Variants in PLEKHG6 observed in about 807,000 individuals in gnomAD.
PLEKHG6 encodes the protein pleckstrin homology domain-containing family G member 6.
PLEKHG6 carries 91 observed loss-of-function variants against 97.5 expected under a neutral mutation model. The observed-to-expected ratio is 0.93, with a 90% confidence interval of 0.79 to 1.11. PLEKHG6 has a LOEUF of 1.11. PLEKHG6 is among the 50% of genes most tolerant of loss of function. PLEKHG6 has a pLI of 0.00. For synonymous variants in PLEKHG6, 466 were observed against 425.5 expected (o/e 1.10, Z -1.17); for missense variants, 1,044 against 1,031.0 (o/e 1.01, Z -0.17).
In PLEKHG6 at chr12:6,314,908, A is replaced by C. The variant is rs1169361448; in HGVS notation, c.295-97A>C. ...ATTCCAGACACAGACACACGCACAC[A>C]CTTTAACACACATGCACACACACAC... is the stretch of plus-strand genomic sequence containing the variant. On this transcript the variant is annotated intron_variant, in intron 3 of 15. Transcript: ENST00000684764. The C allele has an allele frequency of 6.1e-6, 7 of 1,151,012 alleles. No individual in the cohort carries two copies. In the East Asian group the frequency reaches 1.7e-4, roughly 27 times the overall value. The allele number at this position is 1,151,012 out of a possible 1,614,324, so 71.3% of individuals were successfully genotyped here. A position where few individuals can be genotyped will look rare whatever the true frequency, so the allele number is the denominator to read the frequency against.
chr12:6,327,117 A>G lies in PLEKHG6; in HGVS notation c.1671-137A>G, dbSNP rs552067601. Reference sequence around the variant, plus strand: ...TAAAATCTAGCCAGCCAGATGAGAAAAACAATCACAGTGCGATGGAAAGAT... The same window carrying G: ...TAAAATCTAGCCAGCCAGATGAGAAGAACAATCACAGTGCGATGGAAAGAT... On this transcript the variant is annotated intron_variant, in intron 14 of 15. Coordinates refer to ENST00000684764, the MANE Select transcript of PLEKHG6 (RefSeq NM_001384598.1). 29 of 629,008 alleles carry G rather than the reference A, an allele frequency of 4.6e-5. 1 individual carries two copies. In the East Asian group the frequency reaches 7.9e-4, roughly 17 times the overall value. The allele number at this position is 629,008 out of a possible 1,614,324, so 39.0% of individuals were successfully genotyped here. A position where few individuals can be genotyped will look rare whatever the true frequency, so the allele number is the denominator to read the frequency against.
Position 6,317,926 on chromosome 12 carries a change from T to C in PLEKHG6, c.1087T>C (p.Leu363=). ...CCGCCAGGGCGAAGAGCAAGAGAGCTTGGCGGCTGCAGCACAACGCATCGG... is the reference window on the plus strand; with the variant it reads ...CCGCCAGGGCGAAGAGCAAGAGAGCCTGGCGGCTGCAGCACAACGCATCGG... ...QVRQGEEQES[L]AAAAQRIGPY... is the part of the protein sequence containing the mutation. Residue 363 remains leucine (L), a synonymous_variant, in exon 10 of 16, where the codon TTG becomes CTG. Coordinates refer to ENST00000684764, the MANE Select transcript of PLEKHG6 (RefSeq NM_001384598.1). 1.3e-6 allele frequency: 2 copies of C among 1,570,104 alleles called. No homozygotes were observed. Among genetic ancestry groups the C allele is most frequent in the Non-Finnish European group, 1.7e-6 (2 of 1,157,240 alleles).
rs1947436379 is a variant in PLEKHG6 at position 6,315,805 on chromosome 12, G to A, written c.556-64G>A. 1.4e-6 allele frequency: 2 copies of A among 1,404,694 alleles called. No homozygotes were observed. The highest frequency in any genetic ancestry group is 1.4e-5 in the African/African-American group (1 of 70,302). The allele number at this position is 1,404,694 out of a possible 1,614,324, so 87.0% of individuals were successfully genotyped here. A position where few individuals can be genotyped will look rare whatever the true frequency, so the allele number is the denominator to read the frequency against. ...GTCAGCAGTACTGAAGTTGGTGGGG[G>A]GTGGGAGGTGACGACACTGAAGGGC... On this transcript the variant is annotated intron_variant, in intron 5 of 15. Coordinates refer to ENST00000684764, the MANE Select transcript of PLEKHG6 (RefSeq NM_001384598.1). This position sits in a 1 kb window ranked among gnomAD's most constrained non-coding sequence, Gnocchi z 4.5.
rs559037347 is a variant in PLEKHG6 at position 6,322,723 on chromosome 12, A to G, written c.1524+3615A>G. The stretch of plus-strand genomic sequence containing the variant: ...TGGCAAAACCCCATCTTTACAAAAA[A>G]TACAAAAATTAGCTGGGCCTGGTGG... On this transcript the variant is annotated intron_variant, in intron 13 of 15. Coordinates refer to ENST00000684764, the MANE Select transcript of PLEKHG6 (RefSeq NM_001384598.1). 3.9e-5 allele frequency among the ~76,000 whole-genome samples: 6 copies of G among 152,186 alleles called. No individual in the cohort carries two copies. The East Asian group carries it at 1.2e-3, about 29-fold the overall frequency.
intron 11 of PLEKHG6, 112 bp from the exon 12 acceptor site, chr12:6,318,633 G>T: frequency 7.7e-7 from 1 of 1,291,574 alleles, no homozygotes; most frequent in Non-Finnish European, 1.1e-6. Context: ...CCGCATTTGG[G>T]CTCTGCGTGT....
In PLEKHG6 at chr12:6,317,428, G is replaced by A. The variant is rs761595847; in HGVS notation, c.867+15G>A. 105 of 1,610,564 alleles carry A rather than the reference G, an allele frequency of 6.5e-5. No individual in the cohort carries two copies. Among genetic ancestry groups the A allele is most frequent in the Non-Finnish European group, 8.2e-5 (97 of 1,177,266 alleles). ...CCTTCGTGCAGGTGGGAGAAGGGGT[G>A]CTGGGGAGGGGGACGGGTGCATCTT... On this transcript the variant is annotated intron_variant, in intron 8 of 15. Coordinates refer to ENST00000684764, the MANE Select transcript of PLEKHG6 (RefSeq NM_001384598.1).
intron 13 of PLEKHG6, among the ~76,000 whole-genome samples, chr12:6,325,306 A>G (rs1947826863): frequency 6.6e-6 from 1 of 151,976 alleles, no homozygotes; most frequent in South Asian, 2.1e-4. Context: ...CTGCTTCTCC[A>G]TACCTGTGGC....
chr12:6,315,743 G>A lies in PLEKHG6; in HGVS notation c.555+94G>A, dbSNP rs1435647217. ...AGGCAGGTCACTGGGGGAGGGAGGG[G>A]CAGGATTTCAGGCCAGTCTGGGATG... On this transcript the variant is annotated intron_variant, in intron 5 of 15. Transcript: ENST00000684764. This position sits in a 1 kb window ranked among gnomAD's most constrained non-coding sequence, Gnocchi z 4.5. 5.7e-6 allele frequency: 7 copies of A among 1,221,912 alleles called. No individual in the cohort carries two copies. The highest frequency in any genetic ancestry group is 2.2e-5 in the Admixed American group (1 of 45,902). The allele number at this position is 1,221,912 out of a possible 1,614,324, so 75.7% of individuals were successfully genotyped here.
At chr12:6,317,137 C>A (rs778009143) in intron 7 of PLEKHG6, among the ~76,000 whole-genome samples, 166 bp from the exon 8 acceptor site, 3 of 152,238 alleles carry the variant, frequency 2.0e-5, no homozygotes, top group Admixed American at 6.5e-5. Context: ...AGGGGCGTAG[C>A]CTCGAGAGCA....
At chr12:6,324,211 G>A (rs530508686) in intron 13 of PLEKHG6, among the ~76,000 whole-genome samples, 2 of 152,062 alleles carry the variant, frequency 1.3e-5, no homozygotes, top group African/African-American at 4.8e-5. Context: ...CTTTGGGCTC[G>A]CTGGGAGGCA....
At chr12:6,312,922 G>A (rs1947324118) in intron 2 of PLEKHG6, 1 of 1,397,744 alleles carries the variant, frequency 7.2e-7, no homozygotes. Context: ...TCCACCTTGA[G>A]GACAGTTCTG....
In PLEKHG6 at chr12:6,327,308, T is replaced by C; in HGVS notation, c.1725T>C (p.Asp575=). 6.2e-7 allele frequency: 1 copy of C among 1,613,570 alleles called. No individual in the cohort carries two copies. The highest frequency in any genetic ancestry group is 1.1e-5 in the South Asian group (1 of 91,008). The part of the protein sequence containing the change: ...IPHLVVTEDT[D]EDAPLVPDDT... Reference sequence around the variant, plus strand: ...ACCTGGTGGTGACAGAAGACACAGATGAAGATGCTCCCCTTGTGCCAGATG... The same window carrying C: ...ACCTGGTGGTGACAGAAGACACAGACGAAGATGCTCCCCTTGTGCCAGATG... Residue 575 remains aspartate, a synonymous_variant, in exon 15 of 16, where the codon GAT becomes GAC. Coordinates refer to ENST00000684764, the MANE Select transcript of PLEKHG6 (RefSeq NM_001384598.1).
chr12:6,314,938 C>G, intron 3 of PLEKHG6, 67 bp from the exon 4 acceptor site: 1 of 1,505,310 alleles, frequency 6.6e-7, no homozygotes, highest in Non-Finnish European at 9.1e-7. Context: ...ACACACAGCC[C>G]TCCCGGGGCC....
intron 2 of PLEKHG6, 46 bp downstream of exon 2, chr12:6,312,410 G>A (rs1947303525): frequency 1.9e-6 from 3 of 1,544,818 alleles, no homozygotes; most frequent in Non-Finnish European, 2.6e-6. Context: ...GGGCAGGAGG[G>A]AAGACACCTA....
At position 6,312,283 on chromosome 12, in the gene PLEKHG6, C is replaced by T. The variant is rs1470788340; in HGVS notation, c.57C>T (p.Arg19=). ...CCCTCCAAGGACTCGTGGCCTCCCGCATTGAGACTTATGGGGGCCGGCATC... is the reference window on the plus strand; with the variant it reads ...CCCTCCAAGGACTCGTGGCCTCCCGTATTGAGACTTATGGGGGCCGGCATC... ...EGPLQGLVAS[R]IETYGGRHRA... The change falls in exon 2 of 16, where the codon CGC becomes CGT. Residue 19 remains arginine, a synonymous_variant. Transcript: ENST00000684764. 6.4e-7 allele frequency: 1 copy of T among 1,560,246 alleles called. No individual in the cohort carries two copies.
rs1236851390 is a variant in PLEKHG6 at position 6,315,066 on chromosome 12, C to T, written c.356C>T (p.Pro119Leu). The T allele has an allele frequency of 6.2e-7, 1 of 1,613,838 alleles. No individual in the cohort carries two copies. The highest frequency in any genetic ancestry group is 8.5e-7 in the Non-Finnish European group (1 of 1,180,016). The change falls in exon 4 of 16, where the codon CCC becomes CTC. Residue 119 changes from proline to leucine, a missense_variant. Coordinates refer to ENST00000684764, the MANE Select transcript of PLEKHG6 (RefSeq NM_001384598.1). This position sits in a 1 kb window ranked among gnomAD's most constrained non-coding sequence, Gnocchi z 4.5. The part of the protein sequence containing the change: ...RLHTFSMFGM[P>L]RLPPEDRRHW... ...CACACTTTCAGCATGTTTGGGATGC[C>T]CCGGCTGCCCCCTGAGGACCGGCGG...
intron 13 of PLEKHG6, among the ~76,000 whole-genome samples, chr12:6,323,932 G>A (rs1417600754): frequency 6.6e-6 from 1 of 152,136 alleles, no homozygotes; most frequent in Non-Finnish European, 1.5e-5. Context: ...TTCAGAGTTC[G>A]GTTTTAGTCC....
At chr12:6,320,819 G>C (rs1420526943) in intron 13 of PLEKHG6, among the ~76,000 whole-genome samples, 1 of 152,162 alleles carries the variant, frequency 6.6e-6, no homozygotes, top group Admixed American at 6.5e-5. Flanking sequence ...AGGATAGGAA[G>C]ACCATGAGCA....
In PLEKHG6 at chr12:6,317,865, C is replaced by G; in HGVS notation, c.1026C>G (p.Ala342=). 1.9e-6 allele frequency: 3 copies of G among 1,553,530 alleles called. No homozygotes were observed. The highest frequency in any genetic ancestry group is 2.6e-6 in the Non-Finnish European group (3 of 1,147,882). The change falls in exon 10 of 16, where the codon GCC becomes GCG. Residue 342 remains alanine (A), a synonymous_variant. Coordinates refer to ENST00000684764, the MANE Select transcript of PLEKHG6 (RefSeq NM_001384598.1). ...AQEALNAMIE[A]VESFLRHING... ...CCCCCAACCCCACCTAGATTGAAGCCGTGGAGTCATTCCTGCGACACATCA... is the reference window on the plus strand; with the variant it reads ...CCCCCAACCCCACCTAGATTGAAGCGGTGGAGTCATTCCTGCGACACATCA...
Sources: gnomAD v4.1 joint callset for allele counts (sites outside exome capture counted in the v4.1 genomes callset) on GRCh38, gnomAD v4.1.1 for gene constraint, Gnocchi (gnomAD v3.1) non-coding constraint, MANE v1.5 for transcripts, NCBI Gene and HGNC (gene_info 2026-07-23, HGNC 2026-07-21) for gene names.